Variants in KPNA3 observed in about 807,000 individuals in gnomAD.
The protein encoded by KPNA3 is importin subunit alpha-4.
A neutral mutation model predicts 73.8 loss-of-function variants in KPNA3; 13 were observed. That is an observed-to-expected ratio of 0.18 (90% CI 0.11 to 0.28). The LOEUF (loss-of-function observed/expected upper bound fraction) is 0.28, where lower values mean the gene tolerates loss of function less well. Among genes scored for constraint, KPNA3 ranks in the 10% least tolerant of loss-of-function variants. The probability of loss-of-function intolerance (pLI) is 1.00; values close to 1 mark genes in which losing one functional copy is unlikely to be tolerated. For missense variants in KPNA3, 360 were observed against 618.1 expected, an observed-to-expected ratio of 0.58 and a Z score of 4.43; for synonymous variants, 186 against 206.9, an observed-to-expected ratio of 0.90 and a Z score of 0.87.
chr13:49,738,511 T>G (rs939704525), intron 2 of KPNA3, among the ~76,000 whole-genome samples: 2 of 152,234 alleles, frequency 1.3e-5, no homozygotes, highest in African/African-American at 4.8e-5. Flanking sequence ...TCCATTTACT[T>G]GTCTTGTTTC....
At chr13:49,790,393 G>C (rs1452299920) in intron 1 of KPNA3, among the ~76,000 whole-genome samples, 8 of 152,214 alleles carry the variant, frequency 5.3e-5, no homozygotes, top group African/African-American at 1.9e-4. Flanking sequence ...CTTGAACCTA[G>C]AAGTTTGAGC....
At chr13:49,705,599 T>TC in intron 15 of KPNA3, 22 bp downstream of exon 15, 1 of 1,608,266 alleles carries the variant, frequency 6.2e-7, no homozygotes, top group South Asian at 1.1e-5. Context: ...CAAATACTCT[T>TC]CTTCCATCAA....
At chr13:49,748,281 A>C (rs1190558733) in intron 1 of KPNA3, among the ~76,000 whole-genome samples, 1 of 152,142 alleles carries the variant, frequency 6.6e-6, no homozygotes, top group Non-Finnish European at 1.5e-5. Flanking sequence ...AATAAAAATA[A>C]GTTTGAGATA....
chr13:49,709,892 GA>G (rs34513990), intron 11 of KPNA3, among the ~76,000 whole-genome samples, 192 bp from the exon 12 acceptor site: 37,641 of 147,922 alleles, frequency 0.25, 5,328 homozygotes, highest in Non-Finnish European at 0.33. Flanking sequence ...GAAACTTTAT[GA>G]AAAAAAAAAA....
chr13:49,733,355 T>C (rs1388268501), intron 2 of KPNA3, among the ~76,000 whole-genome samples: 1 of 138,472 alleles, frequency 7.2e-6, no homozygotes, highest in East Asian at 2.4e-4. Flanking sequence ...TGGCACAATC[T>C]CAGCTCACTT....
rs930291924 is a variant in KPNA3, at chr13:49,722,368, G to A, written c.556+109C>T. ...TAAGTCAGTACTTATGAGGCAAGAA[G>A]AGAGTCAACACACATTAAATTCAGA... On this transcript the variant is annotated intron_variant, in intron 8 of 16. Coordinates refer to ENST00000261667, the MANE Select transcript of KPNA3 (RefSeq NM_002267.4). 8.2e-6 allele frequency: 6 copies of A among 735,258 alleles called. No homozygotes were observed. The Admixed American group carries it at 8.2e-5, about 10-fold the overall frequency. 45.5% of individuals were successfully genotyped at this position (735,258 alleles called of 1,614,324 possible).
intron 1 of KPNA3, among the ~76,000 whole-genome samples, chr13:49,751,675 G>A (rs9535321): frequency 0.43 from 64,882 of 152,010 alleles, 14,362 homozygotes; most frequent in South Asian, 0.59. Context: ...TTGGGAGGCC[G>A]AGGCGGGAGG....
intron 10 of KPNA3, among the ~76,000 whole-genome samples, chr13:49,716,261 T>C (rs1954303253): frequency 6.6e-6 from 1 of 152,144 alleles, no homozygotes; most frequent in Admixed American, 6.5e-5. Context: ...TATTAGCCTT[T>C]GAGCTATCAA....
chr13:49,748,718 C>T (rs1233805397), intron 1 of KPNA3, among the ~76,000 whole-genome samples: 5 of 152,004 alleles, frequency 3.3e-5, no homozygotes, highest in Non-Finnish European at 5.9e-5. Context: ...ATATTCATTT[C>T]ATGTGATGGA....
In KPNA3 at chr13:49,701,877, T is replaced by C. The variant is rs761101228; in HGVS notation, c.1489A>G (p.Ile497Val). The C allele has an allele frequency of 5.6e-6, 9 of 1,612,620 alleles. No homozygotes were observed. In the South Asian group the frequency reaches 9.9e-5, roughly 18 times the overall value. ...GTACCTCCTTGTGTTGCTTCAGGAA[T>C]GAGGCAGGGATCTTCATCAATCTGT... Reference protein sequence around the residue: ...GDDIDEDPCLIPEATQGGTYN... With the variant: ...GDDIDEDPCLVPEATQGGTYN... Residue 497 changes from isoleucine to valine, a missense_variant, in exon 17 of 17, where the codon ATT (isoleucine) becomes GTT (valine). Physicochemically the swap from Ile to Val is conservative, Grantham distance 29. Coordinates refer to ENST00000261667, the MANE Select transcript of KPNA3 (RefSeq NM_002267.4).
chr13:49,752,460 T>A (rs934774996), intron 1 of KPNA3, among the ~76,000 whole-genome samples: 7 of 152,088 alleles, frequency 4.6e-5, no homozygotes, highest in Non-Finnish European at 8.8e-5. Flanking sequence ...GGAAACAGAG[T>A]GTTGCTATTG....
chr13:49,706,040 G>C (rs1272105259), intron 14 of KPNA3, 58 bp downstream of exon 14: 20 of 1,441,442 alleles, frequency 1.4e-5, no homozygotes, highest in Non-Finnish European at 1.9e-5. Context: ...CGAAACATAA[G>C]AGAGCAGCAT....
intron 1 of KPNA3, among the ~76,000 whole-genome samples, chr13:49,781,544 T>C (rs895627087): frequency 6.6e-6 from 1 of 152,226 alleles, no homozygotes; most frequent in Non-Finnish European, 1.5e-5. Flanking sequence ...TTATTTTCAT[T>C]GTTTTATCCC....
chr13:49,710,700 T>C (rs1003960086), intron 11 of KPNA3, among the ~76,000 whole-genome samples, 191 bp downstream of exon 11: 1 of 152,186 alleles, frequency 6.6e-6, no homozygotes, highest in African/African-American at 2.4e-5. Flanking sequence ...CAATTGGCTA[T>C]ACAAGTGTGG....
intron 1 of KPNA3, among the ~76,000 whole-genome samples, chr13:49,777,705 C>T (rs923879026): frequency 8.7e-5 from 13 of 148,694 alleles, no homozygotes; most frequent in African/African-American, 3.0e-4. Context: ...GAGGTAGGGT[C>T]TCACTTTGTT....
intron 12 of KPNA3, among the ~76,000 whole-genome samples, chr13:49,709,051 A>C (rs975005038): frequency 2.6e-5 from 4 of 152,212 alleles, no homozygotes; most frequent in African/African-American, 9.6e-5. Context: ...AAACACAGGT[A>C]GTCTAAAAAT....
intron 6 of KPNA3, among the ~76,000 whole-genome samples, chr13:49,728,059 C>A (rs1954427515): frequency 6.6e-6 from 1 of 151,944 alleles, no homozygotes; most frequent in African/African-American, 2.4e-5. Context: ...CACGGTGAAA[C>A]CCCATCTCTA....
intron 2 of KPNA3, among the ~76,000 whole-genome samples, chr13:49,741,734 G>A (rs1261998189): frequency 6.6e-6 from 1 of 152,150 alleles, no homozygotes. Context: ...GATTATAGGC[G>A]TGAGCCACCG....
In KPNA3 at chr13:49,709,706, GT is replaced by G; in HGVS notation, c.904-7del. 6.2e-7 allele frequency: 1 copy of G among 1,607,408 alleles called. No individual in the cohort carries two copies. Among genetic ancestry groups the G allele is most frequent in the South Asian group, 1.1e-5 (1 of 89,886 alleles). Reference sequence around the variant, plus strand: ...ACTGCTCTGAGGGCTGCTGTCTAGGGTGGGGATAAAATGTTTTCTATAAATT... The same window carrying G: ...ACTGCTCTGAGGGCTGCTGTCTAGGGGGGGATAAAATGTTTTCTATAAATT... On this transcript the variant is annotated splice_region_variant and splice_polypyrimidine_tract_variant and intron_variant, in intron 11 of 16. Transcript: ENST00000261667.
Sources: gnomAD v4.1 joint callset for allele counts (sites outside exome capture counted in the v4.1 genomes callset) on GRCh38, gnomAD v4.1.1 for gene constraint, MANE v1.5 for transcripts, NCBI Gene and HGNC (gene_info 2026-07-23, HGNC 2026-07-21) for gene names.